SMG1: variants seen among roughly 807,000 people sequenced by gnomAD.
SMG1 encodes SMG1 nonsense mediated mRNA decay associated PI3K related kinase.
A neutral mutation model predicts 419.9 loss-of-function variants in SMG1; 22 were observed. That is an observed-to-expected ratio of 0.05 (90% CI 0.04 to 0.07). The LOEUF is 0.07. SMG1 is among the 10% of genes least tolerant of loss of function. The pLI, the probability that SMG1 is intolerant of heterozygous loss-of-function variation, is 1.00. For missense variants in SMG1, 3,185 were observed against 4,342.0 expected, an observed-to-expected ratio of 0.73 and a Z score of 7.49; for synonymous variants, 1,538 against 1,553.5, an observed-to-expected ratio of 0.99 and a Z score of 0.23.
chr16:18,846,798 T>C (rs759989981), intron 38 of SMG1, among the ~76,000 whole-genome samples: 2 of 152,202 alleles, frequency 1.3e-5, no homozygotes, highest in African/African-American at 2.4e-5. Context: ...GCAGCCACTG[T>C]GGAAAAGTTT....
At chr16:18,905,761 G>A (rs561707466) in intron 1 of SMG1, among the ~76,000 whole-genome samples, 2 of 151,848 alleles carry the variant, frequency 1.3e-5, no homozygotes, top group South Asian at 2.1e-4. Flanking sequence ...ACAGGCCCCT[G>A]CTACCACACC....
intron 8 of SMG1, 98 bp from the exon 9 acceptor site, chr16:18,884,265 T>G: frequency 3.5e-6 from 2 of 570,734 alleles, no homozygotes; most frequent in Admixed American, 7.0e-5. Context: ...AAGAGGTATC[T>G]GGTTTTCAAG....
chr16:18,869,449 C>A (rs1395894685), intron 19 of SMG1, 146 bp from the exon 20 acceptor site: 2 of 685,462 alleles, frequency 2.9e-6, no homozygotes, highest in Admixed American at 2.9e-5. Context: ...AGCATTGTGT[C>A]CCCCCTCTCA....
chr16:18,812,046 G>T lies in SMG1; in HGVS notation c.10703C>A (p.Ala3568Asp), dbSNP rs763899607. 3 of 1,613,814 alleles carry T rather than the reference G, an allele frequency of 1.9e-6. No individual in the cohort carries two copies. The highest frequency in any genetic ancestry group is 2.5e-6 in the Non-Finnish European group (3 of 1,179,872). ...NARKLIQKNL[A>D]TSADTPPSTV... ...GCTTGGTGGAGTATCAGCTGATGTAGCAAGATTTTTTTGGATCAGCTTTCT... is the reference window on the plus strand; with the variant it reads ...GCTTGGTGGAGTATCAGCTGATGTATCAAGATTTTTTTGGATCAGCTTTCT... The change falls in exon 61 of 63, where the codon GCT becomes GAT. Residue 3568 changes from alanine (A) to aspartate (D), a missense_variant. Coordinates refer to ENST00000446231, the MANE Select transcript of SMG1 (RefSeq NM_015092.5).
At chr16:18,916,683 T>A (rs1318896602) in intron 1 of SMG1, among the ~76,000 whole-genome samples, 1 of 151,982 alleles carries the variant, frequency 6.6e-6, no homozygotes, top group Non-Finnish European at 1.5e-5. Flanking sequence ...ATTTCTGTAC[T>A]CTTTACTGTT....
At chr16:18,895,513 C>A (rs1466054653) in intron 3 of SMG1, among the ~76,000 whole-genome samples, 96 of 148,874 alleles carry the variant, frequency 6.4e-4, no homozygotes, top group Non-Finnish European at 6.7e-4. Context: ...AAAAAAAAAA[C>A]CAGAAAAGTA....
rs1162456364 is a variant in SMG1 at position 18,809,468 on chromosome 16, G to A, written c.*101C>T. The A allele has an allele frequency of 2.4e-6, 2 of 842,952 alleles. No individual in the cohort carries two copies. Among genetic ancestry groups the A allele is most frequent in the South Asian group, 2.9e-5 (2 of 68,548 alleles). 52.2% of individuals were successfully genotyped at this position (842,952 alleles called of 1,614,324 possible). ...GTTTCCTCAGAGTAAGCCCCCAGTTGCATCACCACCGACTGTGGTGTGGCT... is the reference window on the plus strand; with the variant it reads ...GTTTCCTCAGAGTAAGCCCCCAGTTACATCACCACCGACTGTGGTGTGGCT... On this transcript the variant is annotated 3_prime_UTR_variant, in exon 63 of 63. Transcript: ENST00000446231.
chr16:18,870,466 G>A lies in SMG1; in HGVS notation c.2492+144C>T, dbSNP rs141520967. ...GCAGACCTGCAAAATTCGATTATTT[G>A]ACATCACTTCAATCACTGACAAACA... On this transcript the variant is annotated intron_variant, in intron 18 of 62. Transcript: ENST00000446231. The A allele has an allele frequency of 1.4e-5, 9 of 633,552 alleles. No individual in the cohort carries two copies. In the African/African-American group the frequency reaches 1.5e-4, roughly 10 times the overall value. 39.2% of individuals were successfully genotyped at this position (633,552 alleles called of 1,614,324 possible). A position where few individuals can be genotyped will look rare whatever the true frequency, so the allele number is the denominator to read the frequency against.
chr16:18,848,051 A>C lies in SMG1; in HGVS notation c.5624-18T>G. On this transcript the variant is annotated intron_variant, in intron 36 of 62. Coordinates refer to ENST00000446231, the MANE Select transcript of SMG1 (RefSeq NM_015092.5). ...TTTATTTCCTGTAATGAAATAGGAGAACAAGGAATATTTTGAACATTTCTC... is the reference window on the plus strand; with the variant it reads ...TTTATTTCCTGTAATGAAATAGGAGCACAAGGAATATTTTGAACATTTCTC... The C allele has an allele frequency of 6.3e-7, 1 of 1,591,230 alleles. No homozygotes were observed. The highest frequency in any genetic ancestry group is 8.6e-7 in the Non-Finnish European group (1 of 1,160,008).
At chr16:18,877,981 G>A (rs895272633) in intron 11 of SMG1, 4 of 152,074 alleles carry the variant, frequency 2.6e-5, no homozygotes, top group Non-Finnish European at 4.4e-5. Flanking sequence ...AAACCAGATG[G>A]GCCATTTGTT....
chr16:18,813,604 C>T (rs1228032001), intron 60 of SMG1, among the ~76,000 whole-genome samples: 1 of 152,110 alleles, frequency 6.6e-6, no homozygotes, highest in East Asian at 1.9e-4. Flanking sequence ...TTCTCCCATT[C>T]TGTAGGTTGC....
chr16:18,892,348 G>C lies in SMG1; in HGVS notation c.419C>G (p.Ser140Trp), dbSNP rs755122510. 1 of 1,548,688 alleles carries C rather than the reference G, an allele frequency of 6.5e-7. No individual in the cohort carries two copies. Among genetic ancestry groups the C allele is most frequent in the African/African-American group, 1.4e-5 (1 of 72,908 alleles). Residue 140 changes from serine to tryptophan, a missense_variant, in exon 4 of 63, where the codon TCG becomes TGG. By Grantham distance (177) the Ser-to-Trp change is radical. Transcript: ENST00000446231. The part of the protein sequence containing the change: ...TKDMRKSQER[S>W]MSYSDESRLS... The stretch of plus-strand genomic sequence containing the variant: ...TCGAGACTCATCAGAATAAGACATC[G>C]ATCTCTCTGTGAATATATAAACATT...
Position 18,829,385 on chromosome 16 carries a change from A to G in SMG1, c.9504T>C (p.Thr3168=). The change falls in exon 54 of 63, where the codon ACT becomes ACC. Residue 3168 remains threonine (T), a synonymous_variant. Coordinates refer to ENST00000446231, the MANE Select transcript of SMG1 (RefSeq NM_015092.5). ...RATVLASSYD[T]AWKKHDLVRR... ...GCACCAAGTCATGCTTCTTCCAGGC[A>G]GTGTCGTAAGAACTTGCTAACACAG... The G allele has an allele frequency of 1.2e-6, 2 of 1,614,050 alleles. No homozygotes were observed. Among genetic ancestry groups the G allele is most frequent in the East Asian group, 2.2e-5 (1 of 44,886 alleles).
intron 1 of SMG1, among the ~76,000 whole-genome samples, chr16:18,912,591 T>C (rs1445054321): frequency 3.9e-5 from 6 of 152,114 alleles, no homozygotes; most frequent in African/African-American, 1.4e-4. Context: ...TCATAGTAAC[T>C]ACACGATAGG....
chr16:18,887,766 A>AAAT (rs2036693138), intron 6 of SMG1, among the ~76,000 whole-genome samples: 1 of 16,072 alleles, frequency 6.2e-5, no homozygotes, highest in Non-Finnish European at 1.4e-4. Context: ...AAACAGTAAA[A>AAAT]AAAAAAAAAA....
chr16:18,885,890 G>A (rs1355847122), intron 6 of SMG1, among the ~76,000 whole-genome samples: 2 of 151,924 alleles, frequency 1.3e-5, no homozygotes, highest in Non-Finnish European at 2.9e-5. Flanking sequence ...AGGTTGCAGT[G>A]AGCTGAGATT....
At chr16:18,882,800 T>C (rs1274925663) in intron 9 of SMG1, among the ~76,000 whole-genome samples, 1 of 152,136 alleles carries the variant, frequency 6.6e-6, no homozygotes, top group Admixed American at 6.5e-5. Context: ...TACAGATGTG[T>C]AATTGAAGAA....
intron 6 of SMG1, among the ~76,000 whole-genome samples, chr16:18,885,997 C>A (rs2036596535): frequency 6.6e-6 from 1 of 152,036 alleles, no homozygotes; most frequent in East Asian, 1.9e-4. Flanking sequence ...ATATTTCACT[C>A]CACTAAGATG....
chr16:18,837,139 CT>C, intron 46 of SMG1, 113 bp downstream of exon 46: 1 of 1,027,174 alleles, frequency 9.7e-7, no homozygotes, highest in Non-Finnish European at 1.4e-6. Context: ...ACTGAGACAG[CT>C]TTTATCATTT....
Sources: gnomAD v4.1 joint callset for allele counts (sites outside exome capture counted in the v4.1 genomes callset) on GRCh38, gnomAD v4.1.1 for gene constraint, MANE v1.5 for transcripts, NCBI Gene and HGNC (gene_info 2026-07-23, HGNC 2026-07-21) for gene names.